The following UBE2D2 variants were observed in gnomAD, a reference collection of about 807,000 sequenced individuals.
UBE2D2 encodes the protein ubiquitin conjugating enzyme E2 D2.
In UBE2D2, 2 loss-of-function variants were observed where a neutral mutation model predicts 24.2. The observed-to-expected ratio is 0.08, with a 90% CI of 0.03 to 0.26. The LOEUF (loss-of-function observed/expected upper bound fraction) is 0.26, where lower values mean the gene tolerates loss of function less well. Ranked by LOEUF, UBE2D2 falls within the 10% of genes least tolerant of loss-of-function variation. The probability of loss-of-function intolerance (pLI) is 1.00; values close to 1 mark genes in which losing one functional copy is unlikely to be tolerated. For missense variants in UBE2D2, 44 were observed against 177.6 expected (o/e 0.25, Z 4.28); for synonymous variants, 58 against 56.5 (o/e 1.03, Z -0.12).
chr5:139,582,462 C>T (rs1422724495), intron 1 of UBE2D2, among the ~76,000 whole-genome samples: 5 of 151,310 alleles, frequency 3.3e-5, no homozygotes, highest in African/African-American at 9.7e-5. Flanking sequence ...CCTCCCACTT[C>T]GGCCTCCCAG....
chr5:139,598,927 T>TAAAATAAA, intron 1 of UBE2D2, among the ~76,000 whole-genome samples: 1 of 134,036 alleles, frequency 7.5e-6, no homozygotes, highest in Admixed American at 7.4e-5. Flanking sequence ...TCCTTTTTTT[T>TAAAATAAA]TTTTTTTTTT....
At chr5:139,570,196 G>C (rs1001462595) in intron 1 of UBE2D2, among the ~76,000 whole-genome samples, 8 of 152,186 alleles carry the variant, frequency 5.3e-5, no homozygotes, top group African/African-American at 1.7e-4. Context: ...GAGCCTGGAT[G>C]AAAGGTTAAG....
At chr5:139,577,520 TCTC>T (rs1247991534) in intron 1 of UBE2D2, among the ~76,000 whole-genome samples, 1 of 151,248 alleles carries the variant, frequency 6.6e-6, no homozygotes, top group Non-Finnish European at 1.5e-5. Flanking sequence ...TTCAAGCAAT[TCTC>T]CTCTCACATC....
chr5:139,582,503 G>C (rs1753626227), intron 1 of UBE2D2, among the ~76,000 whole-genome samples: 1 of 151,820 alleles, frequency 6.6e-6, no homozygotes, highest in South Asian at 2.1e-4. Flanking sequence ...GAGCCACTGT[G>C]CCTGGCCTTT....
chr5:139,527,273 G>C (rs1325437004), intron 1 of UBE2D2, among the ~76,000 whole-genome samples: 1 of 152,054 alleles, frequency 6.6e-6, no homozygotes, highest in Non-Finnish European at 1.5e-5. Flanking sequence ...GTTACAGCTG[G>C]TTTTAGACCC....
In UBE2D2 at chr5:139,549,743, G is replaced by A. The variant is rs1581485158; in HGVS notation, c.-64+23131G>A. Among the ~76,000 whole-genome samples, 8 of 152,232 alleles carry A rather than the reference G, an allele frequency of 5.3e-5. No individual in the cohort carries two copies. In the South Asian group the frequency reaches 1.2e-3, roughly 24 times the overall value. Reference sequence around the variant, plus strand: ...TGAGGAGTGCAGCTGCGCAGAGCGGGACTAGCGGGCAACTCCGCCCCGGCC... The same window carrying A: ...TGAGGAGTGCAGCTGCGCAGAGCGGAACTAGCGGGCAACTCCGCCCCGGCC... On this transcript the variant is annotated intron_variant, in intron 1 of 6. Coordinates refer to the UBE2D2 transcript ENST00000511725.
intron 1 of UBE2D2, among the ~76,000 whole-genome samples, chr5:139,548,195 AAT>A (rs1166718492): frequency 8.2e-4 from 43 of 52,514 alleles, no homozygotes; most frequent in African/African-American, 7.5e-3. Context: ...AAAAAAAAAA[AAT>A]AAATAAATAA....
intron 1 of UBE2D2, among the ~76,000 whole-genome samples, chr5:139,544,839 C>A (rs781671524): frequency 1.2e-4 from 18 of 151,576 alleles, no homozygotes; most frequent in African/African-American, 3.9e-4. Context: ...TGCAGTGGCG[C>A]GATCTCGGCT....
chr5:139,557,599 A>C (rs2126642907), upstream of UBE2D2, among the ~76,000 whole-genome samples: 1 of 151,936 alleles, frequency 6.6e-6, no homozygotes, highest in Non-Finnish European at 1.5e-5. Flanking sequence ...AAATACAAAA[A>C]TTAGCCAGGC....
intron 5 of UBE2D2, among the ~76,000 whole-genome samples, chr5:139,619,278 C>T (rs1487715556): frequency 6.6e-6 from 1 of 151,858 alleles, no homozygotes; most frequent in African/African-American, 2.4e-5. Context: ...TGTCTATAGT[C>T]CCAACTACTC....
At chr5:139,527,506 G>T (rs1752555496) in intron 1 of UBE2D2, among the ~76,000 whole-genome samples, 1 of 152,106 alleles carries the variant, frequency 6.6e-6, no homozygotes, top group Non-Finnish European at 1.5e-5. Context: ...CATGTATTAT[G>T]GTAACTTCTA....
intron 2 of UBE2D2, chr5:139,612,073 G>T: frequency 6.0e-6 from 1 of 166,444 alleles, no homozygotes; most frequent in South Asian, 1.6e-4. Context: ...TATTTGGCAT[G>T]AGTTACACAT....
chr5:139,570,556 G>C (rs986082597), intron 1 of UBE2D2, among the ~76,000 whole-genome samples: 3 of 152,078 alleles, frequency 2.0e-5, no homozygotes, highest in Non-Finnish European at 4.4e-5. Flanking sequence ...CTGACGCCCA[G>C]GCTGGAGTGC....
chr5:139,537,689 G>A (rs1300236590), intron 1 of UBE2D2, among the ~76,000 whole-genome samples: 2 of 151,774 alleles, frequency 1.3e-5, no homozygotes, highest in Admixed American at 1.3e-4. Flanking sequence ...TTCTGGCCAG[G>A]CGTGGTAGCT....
chr5:139,625,359 T>G (rs1754597642), intron 6 of UBE2D2, among the ~76,000 whole-genome samples: 1 of 147,154 alleles, frequency 6.8e-6, no homozygotes, highest in Non-Finnish European at 1.5e-5. Context: ...AAGCAGGCCT[T>G]CTGCCTCAGC....
chr5:139,627,661 A>G lies in UBE2D2; in HGVS notation c.*860A>G, dbSNP rs532216831. ...ACTTTCAAGAATGATTAATCTGTGT[A>G]ATAAACTGGTTACTACAGTCATTAC... On this transcript the variant is annotated 3_prime_UTR_variant, in exon 7 of 7. Coordinates refer to ENST00000398733, the MANE Select transcript of UBE2D2 (RefSeq NM_003339.3). 2 of 152,804 alleles carry G rather than the reference A, an allele frequency of 1.3e-5. No homozygotes were observed. The highest frequency in any genetic ancestry group is 3.9e-4 in the East Asian group (2 of 5,192). The allele number at this position is 152,804 out of a possible 1,614,324, so 9.5% of individuals were successfully genotyped here.
At chr5:139,533,767 A>C (rs1391962922) in intron 1 of UBE2D2, among the ~76,000 whole-genome samples, 1 of 151,310 alleles carries the variant, frequency 6.6e-6, no homozygotes, top group Non-Finnish European at 1.5e-5. Flanking sequence ...GAACAATCTC[A>C]GCATAAATTA....
intron 1 of UBE2D2, among the ~76,000 whole-genome samples, chr5:139,589,579 A>C (rs543007107): frequency 5.3e-5 from 8 of 152,322 alleles, no homozygotes; most frequent in Admixed American, 5.2e-4. Context: ...AGTTGCATAC[A>C]GTGTTTGTTT....
intron 1 of UBE2D2, among the ~76,000 whole-genome samples, chr5:139,553,936 C>T (rs1477062181): frequency 6.6e-6 from 1 of 152,010 alleles, no homozygotes; most frequent in East Asian, 1.9e-4. Context: ...CCCGCCACCA[C>T]GCCTGGCTAA....
Sources: gnomAD v4.1 joint callset for allele counts (sites outside exome capture counted in the v4.1 genomes callset) on GRCh38, gnomAD v4.1.1 for gene constraint, MANE v1.5 for transcripts, NCBI Gene and HGNC (gene_info 2026-07-23, HGNC 2026-07-21) for gene names.